Variants in CDK17 observed in about 807,000 individuals in gnomAD.
CDK17 encodes cyclin-dependent kinase 17.
A neutral mutation model predicts 77.6 loss-of-function variants in CDK17; 24 were observed. The observed-to-expected ratio is 0.31, with a 90% CI of 0.22 to 0.44. CDK17 has a LOEUF of 0.44. Among genes scored for constraint, CDK17 ranks in the 20% least tolerant of loss-of-function variants. CDK17 has a pLI of 1.00. For missense variants in CDK17, 429 were observed against 622.5 expected, an observed-to-expected ratio of 0.69 and a Z score of 3.31; for synonymous variants, 203 against 210.4, an observed-to-expected ratio of 0.96 and a Z score of 0.30.
chr12:96,335,887 T>C (rs1953034438), intron 1 of CDK17, among the ~76,000 whole-genome samples: 1 of 152,208 alleles, frequency 6.6e-6, no homozygotes, highest in Non-Finnish European at 1.5e-5. Context: ...ATGCACACTA[T>C]AACCATTATC....
chr12:96,309,539 T>C (rs919684632), intron 5 of CDK17, among the ~76,000 whole-genome samples: 1 of 152,216 alleles, frequency 6.6e-6, no homozygotes, highest in African/African-American at 2.4e-5. Flanking sequence ...GGTTAATTAC[T>C]AAATATTAAG....
Position 96,297,500 on chromosome 12 carries a change from C to T in CDK17, c.810+127G>A, listed in dbSNP as rs924403956. On this transcript the variant is annotated intron_variant, in intron 8 of 16. Transcript: ENST00000261211. The stretch of plus-strand genomic sequence containing the variant: ...TAACTAAATAATAAAGTCTCTTGGG[C>T]TGTTAAAAAGTCCAATTTAGCTAAG... The T allele has an allele frequency of 3.3e-5, 26 of 780,908 alleles. 1 individual carries two copies. Among genetic ancestry groups the T allele is most frequent in the Non-Finnish European group, 5.1e-5 (24 of 467,746 alleles). The allele number at this position is 780,908 out of a possible 1,614,324, so 48.4% of individuals were successfully genotyped here.
chr12:96,338,388 T>C (rs1186096686), intron 1 of CDK17, among the ~76,000 whole-genome samples: 4 of 152,202 alleles, frequency 2.6e-5, no homozygotes, highest in Non-Finnish European at 4.4e-5. Flanking sequence ...TCTCTTAAGT[T>C]CTATGAGTCC....
chr12:96,286,040 T>TA lies in CDK17; in HGVS notation c.1322+2dup. ...CCCCCTTTCACATAAGAAAAAAAAATACCTGGGTGCGTGGTTAATTAGAGG... is the reference window on the plus strand; with the variant it reads ...CCCCCTTTCACATAAGAAAAAAAAATAACCTGGGTGCGTGGTTAATTAGAGG... On this transcript the variant is annotated splice_region_variant and intron_variant, in intron 13 of 16. Coordinates refer to ENST00000261211, the MANE Select transcript of CDK17 (RefSeq NM_002595.5). 1 of 1,489,690 alleles carries TA rather than the reference T, an allele frequency of 6.7e-7. No individual in the cohort carries two copies. Among genetic ancestry groups the TA allele is most frequent in the Non-Finnish European group, 9.3e-7 (1 of 1,076,062 alleles). The allele number at this position is 1,489,690 out of a possible 1,614,324, so 92.3% of individuals were successfully genotyped here.
intron 2 of CDK17, among the ~76,000 whole-genome samples, chr12:96,334,471 G>C (rs1193693632): frequency 2.0e-5 from 3 of 152,122 alleles, no homozygotes; most frequent in Admixed American, 6.6e-5. Flanking sequence ...GTGAAAAATG[G>C]AAGGATATGT....
At chr12:96,392,629 C>T (rs1385301302) in intron 1 of CDK17, among the ~76,000 whole-genome samples, 2 of 152,138 alleles carry the variant, frequency 1.3e-5, no homozygotes, top group Admixed American at 6.5e-5. Context: ...TTTTGGCTTA[C>T]GTGACTAGGC....
intron 3 of CDK17, among the ~76,000 whole-genome samples, chr12:96,322,987 T>A (rs991685759): frequency 6.6e-6 from 1 of 152,022 alleles, no homozygotes; most frequent in Non-Finnish European, 1.5e-5. Flanking sequence ...AAGCTCATAC[T>A]CCCAAAATTA....
In CDK17 at chr12:96,289,172, G is replaced by A. The variant is rs563225357; in HGVS notation, c.1113C>T (p.Asp371=). 4 of 1,613,734 alleles carry A rather than the reference G, an allele frequency of 2.5e-6. No individual in the cohort carries two copies. Among genetic ancestry groups the A allele is most frequent in the Admixed American group, 1.7e-5 (1 of 60,012 alleles). ...LGSSEYSTQI[D]MWGVGCIFFE... is the part of the protein sequence containing the mutation. ...TGACATCTGTATATATTTACCACAT[G>A]TCAATCTGTGTTGAGTACTCCGAGG... The change falls in exon 11 of 17, where the codon GAC becomes GAT. Residue 371 remains aspartate (D), a synonymous_variant. Transcript: ENST00000261211.
At chr12:96,383,903 T>G (rs1206573813) in intron 1 of CDK17, among the ~76,000 whole-genome samples, 1 of 151,950 alleles carries the variant, frequency 6.6e-6, no homozygotes, top group Non-Finnish European at 1.5e-5. Context: ...AAACAAAAAT[T>G]GACAAGCAGG....
chr12:96,295,529 C>G (rs1414260555), intron 9 of CDK17: 1 of 152,110 alleles, frequency 6.6e-6, no homozygotes, highest in African/African-American at 2.4e-5. Context: ...CCACCCATCT[C>G]TCCTTGAAAA....
chr12:96,307,706 A>G (rs566795547), intron 5 of CDK17, among the ~76,000 whole-genome samples: 14 of 152,144 alleles, frequency 9.2e-5, no homozygotes, highest in African/African-American at 3.4e-4. Context: ...CCCCATCTCT[A>G]CTAAAAATGC....
chr12:96,295,334 T>C (rs180885807), intron 9 of CDK17: 1 of 355,028 alleles, frequency 2.8e-6, no homozygotes, highest in East Asian at 4.7e-5. Context: ...ATCTACCTAT[T>C]TCTTTTAGTC....
chr12:96,281,974 A>G (rs1952184222), intron 15 of CDK17: 1 of 152,278 alleles, frequency 6.6e-6, no homozygotes, highest in Non-Finnish European at 1.5e-5. Context: ...ATAGAATGTT[A>G]AGAGTAAAAT....
At chr12:96,342,217 T>G (rs1012781456) in intron 1 of CDK17, among the ~76,000 whole-genome samples, 1 of 152,198 alleles carries the variant, frequency 6.6e-6, no homozygotes, top group Non-Finnish European at 1.5e-5. Context: ...GTAAAAAAAG[T>G]GAACTCATTA....
At chr12:96,320,255 G>A (rs747176066) in intron 3 of CDK17, among the ~76,000 whole-genome samples, 4,572 of 145,174 alleles carry the variant, frequency 0.031, 106 homozygotes, top group South Asian at 0.051. Flanking sequence ...TACAAGGGAT[G>A]TGAAGGACCT....
Position 96,340,110 on chromosome 12 carries a change from A to G in CDK17, c.-29-5245T>C, listed in dbSNP as rs1648022606. On this transcript the variant is annotated intron_variant, in intron 1 of 16. Coordinates refer to ENST00000261211, the MANE Select transcript of CDK17 (RefSeq NM_002595.5). ...GGACAATGCTGACATAGAGCATTTT[A>G]TATGCTCTATGTCAGCATGGTTTTA... 2.0e-5 allele frequency among the ~76,000 whole-genome samples: 3 copies of G among 151,996 alleles called. No homozygotes were observed. In the South Asian group the frequency reaches 6.2e-4, roughly 32 times the overall value.
At chr12:96,334,022 T>C (rs1157223820) in intron 2 of CDK17, among the ~76,000 whole-genome samples, 1 of 152,188 alleles carries the variant, frequency 6.6e-6, no homozygotes, top group Non-Finnish European at 1.5e-5. Context: ...GGTAAGGGTG[T>C]CCATGCTTTC....
intron 1 of CDK17, among the ~76,000 whole-genome samples, chr12:96,366,690 G>A (rs530084942): frequency 8.6e-4 from 131 of 152,162 alleles, no homozygotes; most frequent in African/African-American, 3.1e-3. Context: ...CATAACTCTG[G>A]ACAATCAGAG....
chr12:96,369,528 A>G (rs1366216344), intron 1 of CDK17, among the ~76,000 whole-genome samples: 5 of 152,228 alleles, frequency 3.3e-5, no homozygotes, highest in African/African-American at 1.2e-4. Context: ...CTATAATCCC[A>G]GCACTCTGGG....
Sources: gnomAD v4.1 joint callset for allele counts (sites outside exome capture counted in the v4.1 genomes callset) on GRCh38, gnomAD v4.1.1 for gene constraint, MANE v1.5 for transcripts, NCBI Gene and HGNC (gene_info 2026-07-23, HGNC 2026-07-21) for gene names.